MED15: variants seen among roughly 807,000 people sequenced by gnomAD.
The protein encoded by MED15 is mediator complex subunit 15.
MED15 carries 41 observed loss-of-function variants against 118.7 expected under a neutral mutation model. The ratio of observed to expected loss-of-function variants is 0.35; its 90% CI spans 0.27 to 0.45. MED15 has a LOEUF of 0.45. Among genes scored for constraint, MED15 ranks in the 20% least tolerant of loss-of-function variants. The pLI, the probability that MED15 is intolerant of heterozygous loss-of-function variation, is 1.00. For missense variants in MED15, 740 were observed against 1,025.5 expected, an observed-to-expected ratio of 0.72 and a Z score of 3.80; for synonymous variants, 436 against 413.9, an observed-to-expected ratio of 1.05 and a Z score of -0.65.
intron 6 of MED15, among the ~76,000 whole-genome samples, chr22:20,564,978 A>G (rs1569227637): frequency 6.6e-6 from 1 of 152,226 alleles, no homozygotes; most frequent in Admixed American, 6.5e-5. Flanking sequence ...ACAAAAAATT[A>G]GCTGGACATG....
At chr22:20,525,746 G>C (rs368120157) in intron 1 of MED15, among the ~76,000 whole-genome samples, 71 of 151,734 alleles carry the variant, frequency 4.7e-4, no homozygotes, top group African/African-American at 1.7e-3. Context: ...ATGTTGGTCA[G>C]GGTGGTCTCA....
chr22:20,523,930 C>A, intron 1 of MED15: 1 of 782,978 alleles, frequency 1.3e-6, no homozygotes, highest in Non-Finnish European at 1.5e-6. Context: ...CGTCATCAAG[C>A]AGCCCAGAGG....
intron 9 of MED15, among the ~76,000 whole-genome samples, chr22:20,575,768 CA>C (rs61090860): frequency 0.26 from 38,761 of 146,646 alleles, 5,346 homozygotes; most frequent in East Asian, 0.52. Flanking sequence ...ATTTTAAAAA[CA>C]AAAAAAAAAC....
Position 20,564,667 on chromosome 22 carries a change from G to A in MED15, c.669G>A (p.Leu223=). 2.5e-6 allele frequency: 4 copies of A among 1,614,218 alleles called. No individual in the cohort carries two copies. Among genetic ancestry groups the A allele is most frequent in the Non-Finnish European group, 3.4e-6 (4 of 1,180,048 alleles). The change falls in exon 6 of 18, where the codon TTG becomes TTA. Residue 223 remains leucine (L), a synonymous_variant. Coordinates refer to ENST00000263205, the MANE Select transcript of MED15 (RefSeq NM_001003891.3). ...AGCAGCAGCAGCATCTAATTAAATT[G>A]CATCATCAAAATCAGCAACAGGTAC... The part of the protein sequence containing the change: ...QQQQQQHLIK[L]HHQNQQQIQQ...
chr22:20,545,473 C>CAAAAAAAA (rs56307139), intron 2 of MED15, among the ~76,000 whole-genome samples: 19 of 90,112 alleles, frequency 2.1e-4, no homozygotes, highest in East Asian at 6.3e-4. Context: ...GACTCCACCT[C>CAAAAAAAA]AAAAAAAAAA....
intron 1 of MED15, 136 bp from the exon 2 acceptor site, chr22:20,536,981 G>T: frequency 1.5e-6 from 1 of 677,080 alleles, no homozygotes; most frequent in Non-Finnish European, 2.5e-6. Flanking sequence ...GCCTCTCCTG[G>T]ACCTCAGCCA....
At chr22:20,570,183 C>T (rs1425224116) in intron 8 of MED15, among the ~76,000 whole-genome samples, 1 of 151,996 alleles carries the variant, frequency 6.6e-6, no homozygotes, top group Non-Finnish European at 1.5e-5. Context: ...TGCCATCACA[C>T]CTGGCTAATT....
chr22:20,586,799 G>T lies in MED15; in HGVS notation c.*95G>T. ...GGTGTTGGCTTCCTTAGAGAGCCTG[G>T]GGTTAGGTTAGCTTTCCTGCTTTTA... is the stretch of plus-strand genomic sequence containing the variant. On this transcript the variant is annotated 3_prime_UTR_variant, in exon 18 of 18. Transcript: ENST00000263205. 1 of 1,521,262 alleles carries T rather than the reference G, an allele frequency of 6.6e-7. No homozygotes were observed. Among genetic ancestry groups the T allele is most frequent in the Non-Finnish European group, 8.9e-7 (1 of 1,128,656 alleles). 94.2% of individuals were successfully genotyped at this position (1,521,262 alleles called of 1,614,324 possible). A position where few individuals can be genotyped will look rare whatever the true frequency, so the allele number is the denominator to read the frequency against.
intron 3 of MED15, 69 bp downstream of exon 3, chr22:20,551,556 C>A: frequency 6.8e-7 from 1 of 1,464,728 alleles, no homozygotes; most frequent in Non-Finnish European, 9.6e-7. Context: ...GCTGCCTCGG[C>A]AGAGCTTTCT....
At chr22:20,544,351 A>T (rs1454779640) in intron 2 of MED15, among the ~76,000 whole-genome samples, 2 of 152,158 alleles carry the variant, frequency 1.3e-5, no homozygotes, top group Non-Finnish European at 2.9e-5. Flanking sequence ...ACACGTTACT[A>T]CAAGCTTGGT....
At position 20,549,602 on chromosome 22, in the gene MED15, C is replaced by T. The variant is rs758193948; in HGVS notation, c.157-1834C>T. ...CCATTGCGTTCAGCCCCTAGATGTTCCTAGATAAACCTGCCTTTGGGGGAA... is the reference window on the plus strand; with the variant it reads ...CCATTGCGTTCAGCCCCTAGATGTTTCTAGATAAACCTGCCTTTGGGGGAA... On this transcript the variant is annotated intron_variant, in intron 2 of 17. Coordinates refer to ENST00000263205, the MANE Select transcript of MED15 (RefSeq NM_001003891.3). Among the ~76,000 whole-genome samples, 123 of 152,132 alleles carry T rather than the reference C, an allele frequency of 8.1e-4. 2 individuals carry two copies. The highest frequency in any genetic ancestry group is 3.1e-4 in the Non-Finnish European group (21 of 68,018).
intron 2 of MED15, among the ~76,000 whole-genome samples, chr22:20,545,300 G>A (rs2055481848): frequency 6.6e-6 from 1 of 152,056 alleles, no homozygotes; most frequent in South Asian, 2.1e-4. Context: ...CCAACATGGT[G>A]AAATCCTGCC....
At chr22:20,542,768 C>G (rs1029605557) in intron 2 of MED15, among the ~76,000 whole-genome samples, 11 of 152,210 alleles carry the variant, frequency 7.2e-5, no homozygotes, top group Non-Finnish European at 1.2e-4. Context: ...GCTGGTAGAA[C>G]ATTCTCAAAA....
rs376465756 is a variant in MED15 at position 20,566,769 on chromosome 22, G to T, written c.993G>T (p.Ala331=). Residue 331 remains alanine (A), a synonymous_variant, in exon 7 of 18, where the codon GCG becomes GCT. Coordinates refer to ENST00000263205, the MANE Select transcript of MED15 (RefSeq NM_001003891.3). ...QSQTQPLVSQ[A]QALPGQMLYT... is the part of the protein sequence containing the mutation. ...AGACCCAGCCTTTGGTGTCACAGGC[G>T]CAAGCTCTCCCTGGACAAATGTTGT... 2 of 1,614,082 alleles carry T rather than the reference G, an allele frequency of 1.2e-6. No individual in the cohort carries two copies. The highest frequency in any genetic ancestry group is 1.3e-5 in the African/African-American group (1 of 74,914).
chr22:20,555,890 A>G (rs1481633178), intron 5 of MED15, among the ~76,000 whole-genome samples: 2 of 152,056 alleles, frequency 1.3e-5, no homozygotes, highest in African/African-American at 2.4e-5. Flanking sequence ...CCCGGCTAAT[A>G]TTTTGTATTT....
chr22:20,568,649 G>A lies in MED15; in HGVS notation c.1152+18G>A, dbSNP rs1387304936. 2 of 1,610,190 alleles carry A rather than the reference G, an allele frequency of 1.2e-6. No individual in the cohort carries two copies. The highest frequency in any genetic ancestry group is 1.7e-6 in the Non-Finnish European group (2 of 1,178,654). On this transcript the variant is annotated intron_variant, in intron 8 of 17. Transcript: ENST00000263205. ...GAGTCCAGGTGAGGGCCTGGGGGTG[G>A]AGGGCTCCATAGTCATCAGCAGGTG...
chr22:20,527,448 C>G (rs1441970065), intron 1 of MED15, among the ~76,000 whole-genome samples: 1 of 148,032 alleles, frequency 6.8e-6, no homozygotes, highest in Non-Finnish European at 1.5e-5. Flanking sequence ...ATAATAAATT[C>G]TACCGTTTTT....
intron 14 of MED15, 29 bp from the exon 15 acceptor site, chr22:20,584,826 G>A: frequency 1.1e-5 from 17 of 1,608,482 alleles, no homozygotes; most frequent in Non-Finnish European, 1.4e-5. Context: ...CGGGTCCCGG[G>A]CTGCTGACCG....
intron 3 of MED15, among the ~76,000 whole-genome samples, chr22:20,551,939 C>A (rs1364713000): frequency 6.6e-6 from 1 of 152,220 alleles, no homozygotes; most frequent in Non-Finnish European, 1.5e-5. Flanking sequence ...CACCCTGGCT[C>A]CCTGCTGTGC....
Sources: allele counts gnomAD v4.1 joint callset (sites outside exome capture counted in the v4.1 genomes callset), GRCh38; gene constraint gnomAD v4.1.1; transcripts MANE v1.5; gene names NCBI Gene and HGNC (gene_info 2026-07-23, HGNC 2026-07-21).